Variants in GRM3 observed in about 807,000 individuals in gnomAD.
The protein encoded by GRM3 is metabotropic glutamate receptor 3.
A neutral mutation model predicts 70.5 loss-of-function variants in GRM3; 26 were observed. The observed-to-expected ratio is 0.37, with a 90% CI of 0.27 to 0.51. The LOEUF (loss-of-function observed/expected upper bound fraction) is 0.51. Ranked by LOEUF, GRM3 falls within the 20% of genes least tolerant of loss-of-function variation. The pLI is 0.93. For missense variants in GRM3, 859 were observed against 1,123.8 expected (o/e 0.76, Z 3.37); for synonymous variants, 443 against 434.9 (o/e 1.02, Z -0.23).
intron 1 of GRM3, among the ~76,000 whole-genome samples, chr7:86,667,213 T>C (rs756424339): frequency 6.6e-6 from 1 of 152,048 alleles, no homozygotes; most frequent in African/African-American, 2.4e-5. Context: ...CTGACCTAAA[T>C]AGTAGAGTTG....
intron 2 of GRM3, chr7:86,784,783 T>C (rs1797180713): frequency 6.6e-6 from 1 of 152,240 alleles, no homozygotes; most frequent in Non-Finnish European, 1.5e-5. Flanking sequence ...TGCATTATAT[T>C]GTGTGTTAAG....
chr7:86,834,423 T>A (rs561869485), intron 3 of GRM3, among the ~76,000 whole-genome samples: 1 of 152,302 alleles, frequency 6.6e-6, no homozygotes. Flanking sequence ...ATGTTAATTC[T>A]ATTTCTGCTA....
chr7:86,697,385 G>T (rs548791727), intron 1 of GRM3, among the ~76,000 whole-genome samples: 2 of 152,136 alleles, frequency 1.3e-5, no homozygotes, highest in Admixed American at 1.3e-4. Context: ...ATTAGGAAAG[G>T]ATGGAAAATA....
In GRM3 at chr7:86,813,949, C is replaced by T. The variant is rs141990966; in HGVS notation, c.1325-24890C>T. Among the ~76,000 whole-genome samples, 1,311 of 151,824 alleles carry T rather than the reference C, an allele frequency of 8.6e-3. 14 individuals carry two copies. Among genetic ancestry groups the T allele is most frequent in the African/African-American group, 0.03 (1,229 of 41,466 alleles). On this transcript the variant is annotated intron_variant, in intron 3 of 5. Coordinates refer to ENST00000361669, the MANE Select transcript of GRM3 (RefSeq NM_000840.3). ...GGAGAAAAGGCTAAGATCATCTTTC[C>T]CACTAAATCATTTGGCTAGCTTCCT...
intron 2 of GRM3, among the ~76,000 whole-genome samples, chr7:86,769,669 G>A (rs1408099230): frequency 1.3e-5 from 2 of 152,168 alleles, no homozygotes; most frequent in Non-Finnish European, 2.9e-5. Context: ...AAACTGCATG[G>A]AGGGGAATTC....
intron 1 of GRM3, among the ~76,000 whole-genome samples, chr7:86,752,762 A>T (rs1190591315): frequency 1.3e-5 from 2 of 152,100 alleles, no homozygotes; most frequent in Non-Finnish European, 2.9e-5. Context: ...CAACTTGGAC[A>T]CCAGAATTTT....
chr7:86,785,348 C>T (rs932291435), intron 2 of GRM3, among the ~76,000 whole-genome samples: 13 of 152,098 alleles, frequency 8.5e-5, no homozygotes, highest in African/African-American at 3.1e-4. Flanking sequence ...TAAAATGCTC[C>T]TCAATAAACA....
Position 86,839,130 on chromosome 7 carries a change from A to T in GRM3, c.1616A>T (p.Tyr539Phe). 6.2e-7 allele frequency: 1 copy of T among 1,614,060 alleles called. No homozygotes were observed. Among genetic ancestry groups the T allele is most frequent in the Non-Finnish European group, 8.5e-7 (1 of 1,179,966 alleles). Residue 539 changes from tyrosine to phenylalanine, a missense_variant, in exon 4 of 6, where the codon TAC becomes TTC. Physicochemically the swap from Tyr to Phe is conservative, Grantham distance 22. Coordinates refer to ENST00000361669, the MANE Select transcript of GRM3 (RefSeq NM_000840.3). The surrounding 1 kb of genome is among the most constrained non-coding windows in gnomAD (Gnocchi z 4.5). ...TGCATCCCCTGTGAACCCTACGAAT[A>T]CCTGGCTGATGAGTTTACCTGTATG... ...WICIPCEPYE[Y>F]LADEFTCMDC...
chr7:86,730,903 G>C (rs1424218308), intron 1 of GRM3, among the ~76,000 whole-genome samples: 2 of 152,086 alleles, frequency 1.3e-5, no homozygotes, highest in Non-Finnish European at 2.9e-5. Context: ...ATTTAATAGG[G>C]TCAGCTATCA....
chr7:86,666,283 T>A (rs1254871989), intron 1 of GRM3, among the ~76,000 whole-genome samples: 11 of 151,972 alleles, frequency 7.2e-5, no homozygotes. Flanking sequence ...CTTCGGAAAA[T>A]AGCTTACTTA....
chr7:86,646,225 C>T (rs900623452), intron 1 of GRM3, among the ~76,000 whole-genome samples: 4 of 152,100 alleles, frequency 2.6e-5, no homozygotes, highest in African/African-American at 7.2e-5. Context: ...TATATTCCTA[C>T]GTACCTTGTT....
chr7:86,650,154 C>T (rs1009061238), intron 1 of GRM3, among the ~76,000 whole-genome samples: 1 of 152,154 alleles, frequency 6.6e-6, no homozygotes, highest in Non-Finnish European at 1.5e-5. Flanking sequence ...AAGAACTCTG[C>T]TATACAAGAA....
At chr7:86,788,511 A>G (rs1178064321) in intron 3 of GRM3, among the ~76,000 whole-genome samples, 1 of 152,238 alleles carries the variant, frequency 6.6e-6, no homozygotes, top group Non-Finnish European at 1.5e-5. Flanking sequence ...AAAACTGGTA[A>G]AGATTAAACT....
chr7:86,715,628 A>G (rs1795295825), intron 1 of GRM3, among the ~76,000 whole-genome samples: 1 of 152,040 alleles, frequency 6.6e-6, no homozygotes, highest in African/African-American at 2.4e-5. Flanking sequence ...AATTATTCAT[A>G]TAATGAATTA....
chr7:86,667,696 T>A (rs1794061579), intron 1 of GRM3, among the ~76,000 whole-genome samples: 1 of 152,102 alleles, frequency 6.6e-6, no homozygotes. Context: ...TTGGCCCCAA[T>A]CTTTTATATT....
chr7:86,838,503 A>G (rs912014104), intron 3 of GRM3, among the ~76,000 whole-genome samples: 39 of 152,348 alleles, frequency 2.6e-4, no homozygotes, highest in African/African-American at 8.2e-4. Flanking sequence ...AATTCTTATC[A>G]TGAAGTCTTT....
intron 1 of GRM3, among the ~76,000 whole-genome samples, chr7:86,704,535 A>G (rs1166046117): frequency 6.6e-6 from 1 of 151,894 alleles, no homozygotes; most frequent in Non-Finnish European, 1.5e-5. Flanking sequence ...CAAACACACC[A>G]CAGACAACAT....
intron 1 of GRM3, among the ~76,000 whole-genome samples, chr7:86,658,850 C>G (rs1160174402): frequency 7.0e-6 from 1 of 143,386 alleles, no homozygotes; most frequent in Admixed American, 6.9e-5. Flanking sequence ...CCCTGTTATA[C>G]TAAAAAAAAA....
At chr7:86,861,842 A>G (rs1027687979) in intron 5 of GRM3, among the ~76,000 whole-genome samples, 6 of 152,182 alleles carry the variant, frequency 3.9e-5, no homozygotes, top group African/African-American at 1.4e-4. Context: ...AAATACTCTC[A>G]CTGCTGTATA....
Sources: allele counts gnomAD v4.1 joint callset (sites outside exome capture counted in the v4.1 genomes callset), GRCh38; gene constraint gnomAD v4.1.1; non-coding constraint Gnocchi (gnomAD v3.1); transcripts MANE v1.5; gene names NCBI Gene and HGNC (gene_info 2026-07-23, HGNC 2026-07-21).